Variants in PITPNC1 observed in about 807,000 individuals in gnomAD.
PITPNC1 encodes cytoplasmic phosphatidylinositol transfer protein 1.
A neutral mutation model predicts 44.7 loss-of-function variants in PITPNC1; 18 were observed. The ratio of observed to expected loss-of-function variants is 0.40; its 90% CI spans 0.28 to 0.60. The LOEUF (loss-of-function observed/expected upper bound fraction) is 0.60. Ranked by LOEUF, PITPNC1 falls within the 20% of genes least tolerant of loss-of-function variation. The pLI, the probability that PITPNC1 is intolerant of heterozygous loss-of-function variation, is 0.39. For synonymous variants in PITPNC1, 141 were observed against 149.6 expected, an observed-to-expected ratio of 0.94 and a Z score of 0.42; for missense variants, 290 against 418.4, an observed-to-expected ratio of 0.69 and a Z score of 2.68.
intron 6 of PITPNC1, among the ~76,000 whole-genome samples, chr17:67,637,505 C>T (rs1422705253): frequency 6.6e-6 from 1 of 152,156 alleles, no homozygotes. Context: ...TGCACACACA[C>T]ACGGCCATCC....
chr17:67,602,714 CA>C (rs1204285925), intron 5 of PITPNC1, among the ~76,000 whole-genome samples: 2 of 152,072 alleles, frequency 1.3e-5, no homozygotes, highest in Non-Finnish European at 2.9e-5. Flanking sequence ...ACTCATTCTA[CA>C]AGTGACCACT....
At chr17:67,546,933 G>A (rs2040693180) in intron 2 of PITPNC1, among the ~76,000 whole-genome samples, 2 of 152,198 alleles carry the variant, frequency 1.3e-5, no homozygotes, top group African/African-American at 4.8e-5. Flanking sequence ...CAGAGCAGCT[G>A]GAGAAGATAT....
At position 67,492,003 on chromosome 17, in the gene PITPNC1, TTTTTTTTTTA is replaced by T. The variant is rs1180296590; in HGVS notation, c.49-40798_49-40789del. Among the ~76,000 whole-genome samples, 24 of 143,262 alleles carry T rather than the reference TTTTTTTTTTA, an allele frequency of 1.7e-4. 1 individual carries two copies. Among genetic ancestry groups the T allele is most frequent in the Non-Finnish European group, 2.9e-4 (19 of 64,804 alleles). 94.0% of individuals were successfully genotyped at this position (143,262 alleles called of 152,430 possible). On this transcript the variant is annotated intron_variant, in intron 1 of 8. Coordinates refer to ENST00000581322, the MANE Select transcript of PITPNC1 (RefSeq NM_012417.4). The stretch of plus-strand genomic sequence containing the variant: ...CACGAGCGGTCTTCCTTTTTTTTTC[TTTTTTTTTTA>T]AAAAAAAAAAGATGTGCAAGATGCC...
At chr17:67,536,954 G>C (rs1433109131) in intron 2 of PITPNC1, among the ~76,000 whole-genome samples, 2 of 152,220 alleles carry the variant, frequency 1.3e-5, no homozygotes, top group African/African-American at 4.8e-5. Flanking sequence ...TGCCTACCAA[G>C]TGAACCTTGA....
chr17:67,603,215 G>T (rs964345074), intron 5 of PITPNC1, among the ~76,000 whole-genome samples: 2 of 152,284 alleles, frequency 1.3e-5, no homozygotes, highest in East Asian at 3.9e-4. Context: ...AAGTACAGCT[G>T]GAGCAAGCAG....
At chr17:67,397,157 T>A (rs1448210388) in intron 1 of PITPNC1, among the ~76,000 whole-genome samples, 4 of 151,806 alleles carry the variant, frequency 2.6e-5, no homozygotes, top group South Asian at 4.2e-4. Flanking sequence ...ATTTTTGTAT[T>A]TTTAGTATAG....
In PITPNC1 at chr17:67,398,341, T is replaced by C. The variant is rs184623752; in HGVS notation, c.48+20139T>C. Among the ~76,000 whole-genome samples, 265 of 152,312 alleles carry C rather than the reference T, an allele frequency of 1.7e-3. 2 individuals carry two copies. The highest frequency in any genetic ancestry group is 6.1e-3 in the African/African-American group (254 of 41,566). ...AGCGAACTCTTGGAAAGCATTTTTT[T>C]CTTCATCCTGCTGGTTGTGGAAGCG... On this transcript the variant is annotated intron_variant, in intron 1 of 8. Transcript: ENST00000581322.
At chr17:67,494,308 C>A (rs1372409510) in intron 1 of PITPNC1, among the ~76,000 whole-genome samples, 4 of 151,718 alleles carry the variant, frequency 2.6e-5, no homozygotes, top group African/African-American at 9.7e-5. Context: ...TCAAGCAATT[C>A]TCTGCCTCAG....
Position 67,432,212 on chromosome 17 carries a change from G to T in PITPNC1, c.48+54010G>T, listed in dbSNP as rs375024462. The stretch of plus-strand genomic sequence containing the variant: ...CATATAAAATACACTAACACTGGCC[G>T]GGTGCGGTGGCTCACGCCTGTAATC... On this transcript the variant is annotated intron_variant, in intron 1 of 8. Transcript: ENST00000581322. Among the ~76,000 whole-genome samples the T allele has an allele frequency of 4.6e-5, 7 of 152,302 alleles. No individual in the cohort carries two copies. In the East Asian group the frequency reaches 1.3e-3, roughly 29 times the overall value.
chr17:67,462,211 CTCTT>C (rs1490576432), intron 1 of PITPNC1, among the ~76,000 whole-genome samples: 3,648 of 105,376 alleles, frequency 0.035, 248 homozygotes, highest in African/African-American at 0.13. Flanking sequence ...TTTTCTTTTT[CTCTT>C]TCTTTCTTTC....
At chr17:67,663,242 G>T (rs1475051724) in intron 6 of PITPNC1, among the ~76,000 whole-genome samples, 1 of 152,198 alleles carries the variant, frequency 6.6e-6, no homozygotes, top group African/African-American at 2.4e-5. Flanking sequence ...CTTCACCCAG[G>T]AAAGAATTCA....
At chr17:67,585,989 G>A (rs2041310722) in intron 5 of PITPNC1, among the ~76,000 whole-genome samples, 1 of 152,186 alleles carries the variant, frequency 6.6e-6, no homozygotes, top group Admixed American at 6.5e-5. Flanking sequence ...CCAATCTGTG[G>A]TGTTCTGTTA....
At chr17:67,567,468 A>G (rs1448174183) in intron 4 of PITPNC1, among the ~76,000 whole-genome samples, 1 of 151,766 alleles carries the variant, frequency 6.6e-6, no homozygotes, top group Non-Finnish European at 1.5e-5. Context: ...TGGGCGACAG[A>G]GTGAGACTCC....
chr17:67,612,229 TG>T (rs2041696691), intron 5 of PITPNC1: 1 of 152,344 alleles, frequency 6.6e-6, no homozygotes, highest in South Asian at 2.1e-4. Flanking sequence ...TCTTGAAGGC[TG>T]AAGAGTGAGC....
At chr17:67,669,137 G>C (rs900029669) in intron 6 of PITPNC1, among the ~76,000 whole-genome samples, 2 of 151,942 alleles carry the variant, frequency 1.3e-5, no homozygotes, top group Non-Finnish European at 2.9e-5. Flanking sequence ...ATGGAGTTTC[G>C]CTCTTGTTAC....
At chr17:67,497,526 T>G in intron 1 of PITPNC1, among the ~76,000 whole-genome samples, 1 of 127,424 alleles carries the variant, frequency 7.8e-6, no homozygotes, top group South Asian at 2.7e-4. Context: ...AACTTGTTCG[T>G]GTCTTTTTTT....
chr17:67,522,638 C>A (rs551545679), intron 1 of PITPNC1, among the ~76,000 whole-genome samples: 1 of 130,680 alleles, frequency 7.7e-6, no homozygotes, highest in South Asian at 2.3e-4. Context: ...ATATACATAT[C>A]ATAAAATTTA....
At chr17:67,685,639 A>T (rs1011269227) in intron 8 of PITPNC1, among the ~76,000 whole-genome samples, 1 of 152,216 alleles carries the variant, frequency 6.6e-6, no homozygotes, top group South Asian at 2.1e-4. Context: ...AAGAGCATGA[A>T]GTTCCGCTCT....
chr17:67,609,813 G>T (rs2570050), intron 5 of PITPNC1, among the ~76,000 whole-genome samples: 3,268 of 150,594 alleles, frequency 0.022, 129 homozygotes, highest in African/African-American at 0.075. Flanking sequence ...ACATCCCTTG[G>T]ATCCAGGTTT....
Sources: allele counts gnomAD v4.1 joint callset (sites outside exome capture counted in the v4.1 genomes callset), GRCh38; gene constraint gnomAD v4.1.1; transcripts MANE v1.5; gene names NCBI Gene and HGNC (gene_info 2026-07-23, HGNC 2026-07-21).